The following BRINP3 variants were observed in gnomAD, a reference collection of about 807,000 sequenced individuals.
BRINP3 encodes the protein BMP/retinoic acid inducible neural specific 3, also known as BMP/retinoic acid-inducible neural-specific protein 3.
A neutral mutation model predicts 71.0 loss-of-function variants in BRINP3; 19 were observed. That is an observed-to-expected ratio of 0.27 (90% CI 0.19 to 0.39). The LOEUF is 0.39. Ranked by LOEUF, BRINP3 falls within the 10% of genes least tolerant of loss-of-function variation. BRINP3 has a pLI of 1.00. For synonymous variants in BRINP3, 380 were observed against 337.7 expected (o/e 1.13, Z -1.37); for missense variants, 959 against 940.8 (o/e 1.02, Z -0.25).
At chr1:190,103,921 T>TA (rs1038553382) in intron 7 of BRINP3, among the ~76,000 whole-genome samples, 2 of 151,816 alleles carry the variant, frequency 1.3e-5, no homozygotes, top group African/African-American at 4.8e-5. Flanking sequence ...TTTTTTTTTT[T>TA]AATTTCATCT....
chr1:190,417,233 G>T (rs1434874464), intron 2 of BRINP3, among the ~76,000 whole-genome samples: 1 of 151,694 alleles, frequency 6.6e-6, no homozygotes, highest in Non-Finnish European at 1.5e-5. Flanking sequence ...AAACCTATCT[G>T]GCTCTTAACA....
chr1:190,107,664 G>T (rs553803103), intron 7 of BRINP3, among the ~76,000 whole-genome samples: 8 of 152,046 alleles, frequency 5.3e-5, no homozygotes, highest in Non-Finnish European at 7.4e-5. Flanking sequence ...CCTAATTGGA[G>T]TATGATCTCC....
chr1:190,190,204 GC>G (rs758949325), intron 6 of BRINP3, among the ~76,000 whole-genome samples: 1 of 152,082 alleles, frequency 6.6e-6, no homozygotes, highest in Non-Finnish European at 1.5e-5. Context: ...GGAATAGGGG[GC>G]TATCAGGTTT....
At chr1:190,306,371 A>C (rs1212613806) in intron 2 of BRINP3, among the ~76,000 whole-genome samples, 1 of 151,924 alleles carries the variant, frequency 6.6e-6, no homozygotes, top group East Asian at 1.9e-4. Context: ...TTTGGAGGGC[A>C]CTGAAACATT....
At chr1:190,120,674 T>C (rs937148516) in intron 7 of BRINP3, among the ~76,000 whole-genome samples, 8 of 151,726 alleles carry the variant, frequency 5.3e-5, no homozygotes, top group African/African-American at 1.9e-4. Context: ...TTTTTTTTTT[T>C]TTGTATTTTT....
At chr1:190,239,190 T>C (rs765901139) in intron 4 of BRINP3, among the ~76,000 whole-genome samples, 9 of 152,196 alleles carry the variant, frequency 5.9e-5, no homozygotes, top group Non-Finnish European at 1.0e-4. Context: ...GGATTACATT[T>C]TGAGATGAGA....
At chr1:190,340,355 T>C (rs566666966) in intron 2 of BRINP3, among the ~76,000 whole-genome samples, 3 of 152,028 alleles carry the variant, frequency 2.0e-5, no homozygotes, top group Non-Finnish European at 2.9e-5. Context: ...GCTCATATTT[T>C]CCATCTCATA....
intron 6 of BRINP3, among the ~76,000 whole-genome samples, chr1:190,207,815 G>C (rs2102638549): frequency 6.6e-6 from 1 of 152,172 alleles, no homozygotes; most frequent in East Asian, 1.9e-4. Context: ...GTTAAAATTA[G>C]TATTACAGCC....
chr1:190,140,715 T>C (rs541047887), intron 7 of BRINP3, among the ~76,000 whole-genome samples: 32 of 152,188 alleles, frequency 2.1e-4, no homozygotes, highest in Non-Finnish European at 3.5e-4. Flanking sequence ...AAACAGCACA[T>C]AAACATTGAA....
chr1:190,366,188 A>G (rs1208341579), intron 2 of BRINP3, among the ~76,000 whole-genome samples: 1 of 152,102 alleles, frequency 6.6e-6, no homozygotes, highest in East Asian at 1.9e-4. Flanking sequence ...AGTAATTTAT[A>G]AACGAAAGAA....
intron 1 of BRINP3, among the ~76,000 whole-genome samples, chr1:190,468,305 A>G (rs1676898679): frequency 6.6e-6 from 1 of 151,300 alleles, no homozygotes; most frequent in Non-Finnish European, 1.5e-5. Context: ...AACACTTATT[A>G]TTGGAGCTGC....
intron 3 of BRINP3, among the ~76,000 whole-genome samples, chr1:190,277,662 T>A (rs1662701837): frequency 6.6e-6 from 1 of 151,782 alleles, no homozygotes. Flanking sequence ...ATATTTTGTA[T>A]TTTGTATTCA....
At chr1:190,382,747 A>G (rs888511334) in intron 2 of BRINP3, among the ~76,000 whole-genome samples, 9 of 152,176 alleles carry the variant, frequency 5.9e-5, no homozygotes, top group Admixed American at 5.9e-4. Flanking sequence ...TTCTTTCACA[A>G]AATTAGCAGC....
chr1:190,455,170 T>C (rs764452325), intron 1 of BRINP3, among the ~76,000 whole-genome samples: 1 of 152,168 alleles, frequency 6.6e-6, no homozygotes, highest in Admixed American at 6.5e-5. Flanking sequence ...TAACAGACTT[T>C]GTCATAACAA....
chr1:190,098,662 G>T lies in BRINP3; in HGVS notation c.1657C>A (p.Leu553Ile), dbSNP rs1403055189. 1 of 1,614,142 alleles carries T rather than the reference G, an allele frequency of 6.2e-7. No homozygotes were observed. Among genetic ancestry groups the T allele is most frequent in the Non-Finnish European group, 8.5e-7 (1 of 1,180,040 alleles). Residue 553 changes from leucine (L) to isoleucine (I), a missense_variant, in exon 8 of 8, where the codon CTC (leucine) becomes ATC (isoleucine). Leu to Ile is a conservative substitution (Grantham distance 5). Transcript: ENST00000367462. ...TTAGTTAAGCAAATCTGTAAAGAGA[G>T]ACCCAAAATCATATGGACCAGACTT... ...KSSLVHMILG[L>I]SLQICLTKNS...
In BRINP3 at chr1:190,301,166, C is replaced by CATATATACACATATATATGT. The variant is rs1558160237; in HGVS notation, c.237-19417_237-19416insACATATATATGTGTATATAT. Among the ~76,000 whole-genome samples the CATATATACACATATATATGT allele has an allele frequency of 1.8e-4, 7 of 38,022 alleles. No homozygotes were observed. In the South Asian group the frequency reaches 3.3e-3, roughly 18 times the overall value. The allele number at this position is 38,022 out of a possible 152,430, so 24.9% of individuals were successfully genotyped here. ...ATATACACACATACATATATATATA[C>CATATATACACATATATATGT]ATATATATACATATATATATGTATA... On this transcript the variant is annotated intron_variant, in intron 2 of 7. Transcript: ENST00000367462.
At chr1:190,304,827 C>A (rs1384296234) in intron 2 of BRINP3, among the ~76,000 whole-genome samples, 1 of 151,856 alleles carries the variant, frequency 6.6e-6, no homozygotes, top group Non-Finnish European at 1.5e-5. Context: ...GAAGAGACAA[C>A]CCACAGAATG....
At chr1:190,099,411 A>G (rs1651497444) in intron 7 of BRINP3, among the ~76,000 whole-genome samples, 1 of 152,280 alleles carries the variant, frequency 6.6e-6, no homozygotes, top group East Asian at 1.9e-4. Flanking sequence ...ACATTTCTAA[A>G]TATGTGATAT....
At chr1:190,236,654 C>T (rs1410679060) in intron 4 of BRINP3, among the ~76,000 whole-genome samples, 1 of 151,862 alleles carries the variant, frequency 6.6e-6, no homozygotes, top group East Asian at 1.9e-4. Flanking sequence ...TACTATTCCC[C>T]ACTACTGATA....
Sources: allele counts gnomAD v4.1 joint callset (sites outside exome capture counted in the v4.1 genomes callset), GRCh38; gene constraint gnomAD v4.1.1; transcripts MANE v1.5; gene names NCBI Gene and HGNC (gene_info 2026-07-23, HGNC 2026-07-21).